Variants in DACH1 observed in about 807,000 individuals in gnomAD.
The protein encoded by DACH1 is dachshund family transcription factor 1.
In DACH1, 12 loss-of-function variants were observed where a neutral mutation model predicts 54.2. The observed-to-expected ratio is 0.22, with a 90% CI of 0.14 to 0.36. DACH1 has a LOEUF of 0.36. Among genes scored for constraint, DACH1 ranks in the 10% least tolerant of loss-of-function variants. The pLI, the probability that DACH1 is intolerant of heterozygous loss-of-function variation, is 1.00. For missense variants in DACH1, 805 were observed against 929.8 expected (o/e 0.87, Z 1.75); for synonymous variants, 386 against 366.2 (o/e 1.05, Z -0.62).
At chr13:71,670,366 C>T (rs1030653380) in intron 2 of DACH1, among the ~76,000 whole-genome samples, 1 of 152,142 alleles carries the variant, frequency 6.6e-6, no homozygotes, top group East Asian at 1.9e-4. Flanking sequence ...TGAAAGCAAT[C>T]TCCATTTTTA....
intron 6 of DACH1, among the ~76,000 whole-genome samples, chr13:71,540,728 G>A (rs1883075393): frequency 6.6e-6 from 1 of 151,928 alleles, no homozygotes; most frequent in Non-Finnish European, 1.5e-5. Context: ...CAACCTGTAG[G>A]TTTTTGTTTT....
intron 5 of DACH1, among the ~76,000 whole-genome samples, chr13:71,559,201 T>A (rs564545588): frequency 7.2e-5 from 11 of 152,238 alleles, no homozygotes; most frequent in African/African-American, 2.4e-4. Flanking sequence ...GTGAAAATAT[T>A]ATAAAATAAC....
At chr13:71,650,032 C>T (rs1390474431) in intron 2 of DACH1, among the ~76,000 whole-genome samples, 1 of 152,178 alleles carries the variant, frequency 6.6e-6, no homozygotes, top group Non-Finnish European at 1.5e-5. Context: ...TTAAAAGCTA[C>T]CCCATGATAC....
intron 1 of DACH1, among the ~76,000 whole-genome samples, chr13:71,843,518 A>G (rs1269668741): frequency 6.6e-6 from 1 of 152,042 alleles, no homozygotes; most frequent in Non-Finnish European, 1.5e-5. Flanking sequence ...GCCCAGCTCA[A>G]CCTCTCAAAA....
chr13:71,757,106 A>G (rs1436164946), intron 1 of DACH1, among the ~76,000 whole-genome samples: 1 of 152,238 alleles, frequency 6.6e-6, no homozygotes, highest in Non-Finnish European at 1.5e-5. Flanking sequence ...AGGGCTTATT[A>G]TTGACATAAA....
chr13:71,588,956 A>C (rs1327036260), intron 3 of DACH1, among the ~76,000 whole-genome samples: 1 of 152,050 alleles, frequency 6.6e-6, no homozygotes, highest in Non-Finnish European at 1.5e-5. Flanking sequence ...GTCAATGTCC[A>C]TCATAATCAA....
chr13:71,706,724 C>T (rs1882468375), intron 1 of DACH1, among the ~76,000 whole-genome samples: 1 of 152,016 alleles, frequency 6.6e-6, no homozygotes, highest in Non-Finnish European at 1.5e-5. Context: ...CCAAAATATG[C>T]ATTCTTATTT....
chr13:71,770,456 A>T (rs1188792797), intron 1 of DACH1, among the ~76,000 whole-genome samples: 4 of 151,620 alleles, frequency 2.6e-5, no homozygotes, highest in African/African-American at 9.7e-5. Context: ...GTCTTAAATC[A>T]TCCTTTAATT....
intron 6 of DACH1, among the ~76,000 whole-genome samples, chr13:71,545,485 G>A (rs1883401973): frequency 6.8e-6 from 1 of 146,982 alleles, no homozygotes; most frequent in Non-Finnish European, 1.5e-5. Flanking sequence ...TAGTTATCAC[G>A]ATTTTTAAAT....
intron 4 of DACH1, among the ~76,000 whole-genome samples, 155 bp downstream of exon 4, chr13:71,572,685 C>T (rs1335925439): frequency 6.6e-6 from 1 of 152,068 alleles, no homozygotes; most frequent in African/African-American, 2.4e-5. Context: ...TAATGTGCCC[C>T]TGGGGCCATT....
rs534929624 is a variant in DACH1, at chr13:71,697,192, T to C, written c.849-15282A>G. Among the ~76,000 whole-genome samples the C allele has an allele frequency of 3.3e-5, 5 of 152,290 alleles. No homozygotes were observed. In the East Asian group the frequency reaches 5.8e-4, roughly 18 times the overall value. On this transcript the variant is annotated intron_variant, in intron 1 of 10. Coordinates refer to ENST00000613252, the MANE Select transcript of DACH1 (RefSeq NM_080759.6). ...GTTTTGTTCACTGGAATATCCCCAT[T>C]TTAGAGGAGCAATGTTTGGCACAAA...
chr13:71,792,838 G>C (rs1594228580), intron 1 of DACH1, among the ~76,000 whole-genome samples: 1 of 152,106 alleles, frequency 6.6e-6, no homozygotes, highest in Admixed American at 6.6e-5. Context: ...TTGGTCACTA[G>C]AGCTAGGAGC....
chr13:71,764,525 TA>T (rs1190959078), intron 1 of DACH1, among the ~76,000 whole-genome samples: 7 of 152,188 alleles, frequency 4.6e-5, no homozygotes, highest in Middle Eastern at 3.4e-3. Flanking sequence ...AAAGAAAACA[TA>T]AACAGCCCAC....
At chr13:71,457,320 C>T (rs1875658435) in intron 10 of DACH1, among the ~76,000 whole-genome samples, 1 of 151,920 alleles carries the variant, frequency 6.6e-6, no homozygotes, top group African/African-American at 2.4e-5. Context: ...GTTGAATTGA[C>T]ACTTTGTCAT....
chr13:71,748,870 CT>C (rs773383252), intron 1 of DACH1, among the ~76,000 whole-genome samples: 719 of 23,962 alleles, frequency 0.03, 14 homozygotes, highest in East Asian at 0.076. Context: ...TTCTTTCTTT[CT>C]TTCTTTCTTT....
rs1380610894 is a variant in DACH1 at position 71,767,173 on chromosome 13, TATTA to T, written c.849-85267_849-85264del. 6.6e-5 allele frequency among the ~76,000 whole-genome samples: 10 copies of T among 152,054 alleles called. No homozygotes were observed. In the South Asian group the frequency reaches 1.7e-3, roughly 25 times the overall value. ...ACTGTTTATCAATAAATTAAGTTAA[TATTA>T]ATTATTATCAATATAATGATTTAAG... On this transcript the variant is annotated intron_variant, in intron 1 of 10. Coordinates refer to ENST00000613252, the MANE Select transcript of DACH1 (RefSeq NM_080759.6).
At chr13:71,539,204 T>C (rs2138325837) in intron 6 of DACH1, among the ~76,000 whole-genome samples, 1 of 152,228 alleles carries the variant, frequency 6.6e-6, no homozygotes, top group East Asian at 1.9e-4. Context: ...TAGCTGTTAC[T>C]ATTTTTTGTC....
intron 3 of DACH1, among the ~76,000 whole-genome samples, chr13:71,583,391 T>C (rs899848052): frequency 6.6e-6 from 1 of 152,190 alleles, no homozygotes; most frequent in African/African-American, 2.4e-5. Context: ...TGATGAAATA[T>C]GGCATCTTTT....
chr13:71,697,879 C>A (rs1484470830), intron 1 of DACH1, among the ~76,000 whole-genome samples: 1 of 151,522 alleles, frequency 6.6e-6, no homozygotes, highest in Admixed American at 6.6e-5. Flanking sequence ...GAAATAGAGC[C>A]CGATTTTATG....
Sources: allele counts gnomAD v4.1 joint callset (sites outside exome capture counted in the v4.1 genomes callset), GRCh38; gene constraint gnomAD v4.1.1; transcripts MANE v1.5; gene names NCBI Gene and HGNC (gene_info 2026-07-23, HGNC 2026-07-21).